Variants in CDK14 observed in about 807,000 individuals in gnomAD.
CDK14 encodes the protein cyclin dependent kinase 14, also known as cyclin-dependent kinase 14.
CDK14 carries 34 observed loss-of-function variants against 60.7 expected under a neutral mutation model. The observed-to-expected ratio is 0.56, with a 90% CI of 0.43 to 0.75. The LOEUF (loss-of-function observed/expected upper bound fraction) is 0.75, where lower values mean the gene tolerates loss of function less well. CDK14 is among the 30% of genes least tolerant of loss of function. CDK14 has a pLI of 0.00. For missense variants in CDK14, 482 were observed against 564.1 expected (o/e 0.85, Z 1.47); for synonymous variants, 197 against 203.7 (o/e 0.97, Z 0.28).
intron 14 of CDK14, among the ~76,000 whole-genome samples, chr7:91,126,673 T>G (rs933540692): frequency 2.0e-5 from 3 of 151,908 alleles, no homozygotes; most frequent in African/African-American, 4.8e-5. Flanking sequence ...GATCTCAGGA[T>G]GTAAAGAAAT....
At chr7:90,902,810 TGAATG>T (rs1792558745) in intron 7 of CDK14, among the ~76,000 whole-genome samples, 2 of 152,060 alleles carry the variant, frequency 1.3e-5, no homozygotes, top group South Asian at 4.1e-4. Flanking sequence ...TACAAGCTGT[TGAATG>T]GAAGAAAATA....
intron 9 of CDK14, among the ~76,000 whole-genome samples, chr7:90,973,755 G>C (rs971671516): frequency 1.3e-5 from 2 of 152,068 alleles, no homozygotes; most frequent in African/African-American, 4.8e-5. Context: ...AAAGGAGAGG[G>C]GGTGTACTTA....
intron 14 of CDK14, among the ~76,000 whole-genome samples, chr7:91,167,257 G>T (rs545828445): frequency 2.0e-5 from 3 of 152,148 alleles, no homozygotes; most frequent in Admixed American, 6.5e-5. Flanking sequence ...TCATGGACTT[G>T]TTTCCAACCA....
chr7:90,971,283 G>T (rs1313536843), intron 9 of CDK14, among the ~76,000 whole-genome samples: 1 of 152,072 alleles, frequency 6.6e-6, no homozygotes, highest in Non-Finnish European at 1.5e-5. Flanking sequence ...GGGAAAGACA[G>T]TGTGATGAGC....
intron 12 of CDK14, among the ~76,000 whole-genome samples, chr7:91,097,209 T>C (rs574803033): frequency 6.6e-6 from 1 of 152,026 alleles, no homozygotes; most frequent in South Asian, 2.1e-4. Flanking sequence ...GGTGAAACCC[T>C]GTATCTACTA....
chr7:90,623,953 G>C (rs1799824595), intron 2 of CDK14, among the ~76,000 whole-genome samples: 1 of 152,176 alleles, frequency 6.6e-6, no homozygotes, highest in South Asian at 2.1e-4. Flanking sequence ...CCCTTTTCAT[G>C]CTTGCTAAGA....
chr7:90,640,519 A>G (rs538843416), intron 2 of CDK14, among the ~76,000 whole-genome samples: 4 of 152,104 alleles, frequency 2.6e-5, no homozygotes, highest in Non-Finnish European at 4.4e-5. Flanking sequence ...TTGGATGGAG[A>G]GGAGGAATGA....
chr7:90,610,033 T>G (rs890002611), intron 2 of CDK14, among the ~76,000 whole-genome samples: 1 of 152,236 alleles, frequency 6.6e-6, no homozygotes, highest in South Asian at 2.1e-4. Flanking sequence ...TAACAATCTT[T>G]CCTGTTTAGC....
intron 5 of CDK14, among the ~76,000 whole-genome samples, chr7:90,837,712 A>G (rs1474961414): frequency 6.6e-6 from 1 of 152,024 alleles, no homozygotes; most frequent in South Asian, 2.1e-4. Context: ...TGCTTTTTTT[A>G]CTACTGGATT....
chr7:90,853,462 T>G (rs1790715482), intron 5 of CDK14, among the ~76,000 whole-genome samples: 1 of 151,854 alleles, frequency 6.6e-6, no homozygotes, highest in Non-Finnish European at 1.5e-5. Flanking sequence ...ACTTAGCTGT[T>G]TCTGTTGATA....
chr7:91,112,200 T>C (rs1228899982), intron 12 of CDK14, among the ~76,000 whole-genome samples: 2 of 152,204 alleles, frequency 1.3e-5, no homozygotes, highest in African/African-American at 4.8e-5. Flanking sequence ...GATGTGGGTA[T>C]AGTACATAGA....
chr7:90,851,637 G>A (rs1250014701), intron 5 of CDK14, among the ~76,000 whole-genome samples: 1 of 152,092 alleles, frequency 6.6e-6, no homozygotes, highest in Non-Finnish European at 1.5e-5. Context: ...CTTACCTAGA[G>A]GAATGTATGA....
intron 9 of CDK14, among the ~76,000 whole-genome samples, chr7:90,962,552 A>G (rs1407967648): frequency 6.6e-6 from 1 of 152,020 alleles, no homozygotes; most frequent in African/African-American, 2.4e-5. Flanking sequence ...ATCGGTGTGT[A>G]TGTTTGTGAG....
At chr7:90,881,067 G>A (rs754616845) in intron 6 of CDK14, among the ~76,000 whole-genome samples, 3 of 152,186 alleles carry the variant, frequency 2.0e-5, no homozygotes, top group Non-Finnish European at 4.4e-5. Flanking sequence ...CTCCATCAAG[G>A]ACAAAGAACT....
chr7:91,192,763 A>G (rs1802406992), intron 14 of CDK14, among the ~76,000 whole-genome samples: 1 of 152,230 alleles, frequency 6.6e-6, no homozygotes, highest in African/African-American at 2.4e-5. Flanking sequence ...ATATTAATAC[A>G]TCACTGATGA....
At chr7:90,795,313 G>C (rs1806015267) in intron 5 of CDK14, among the ~76,000 whole-genome samples, 1 of 151,966 alleles carries the variant, frequency 6.6e-6, no homozygotes, top group Non-Finnish European at 1.5e-5. Context: ...CATTTGTAGT[G>C]GTTGTGCTTA....
chr7:91,111,370 A>G (rs957321766), intron 12 of CDK14, among the ~76,000 whole-genome samples: 11 of 152,188 alleles, frequency 7.2e-5, no homozygotes, highest in African/African-American at 2.4e-4. Context: ...AGTAGCTTCA[A>G]GGATTTTTAA....
At chr7:91,106,793 T>TA (rs1799315001) in intron 12 of CDK14, among the ~76,000 whole-genome samples, 2 of 152,208 alleles carry the variant, frequency 1.3e-5, no homozygotes, top group South Asian at 4.1e-4. Flanking sequence ...TGGTAAAAGA[T>TA]ACTAAGCCAA....
chr7:91,054,688 A>G (rs188788419), intron 11 of CDK14, among the ~76,000 whole-genome samples: 1 of 152,302 alleles, frequency 6.6e-6, no homozygotes, highest in East Asian at 1.9e-4. Flanking sequence ...TTGAGTGCTT[A>G]CTAGGTGCCA....
Sources: gnomAD v4.1 joint callset for allele counts (sites outside exome capture counted in the v4.1 genomes callset) on GRCh38, gnomAD v4.1.1 for gene constraint, MANE v1.5 for transcripts, NCBI Gene and HGNC (gene_info 2026-07-23, HGNC 2026-07-21) for gene names.